PAN3: variants seen among roughly 807,000 people sequenced by gnomAD.
The protein encoded by PAN3 is poly(A) specific ribonuclease subunit PAN3.
A neutral mutation model predicts 96.2 loss-of-function variants in PAN3; 19 were observed. The observed-to-expected ratio is 0.20, with a 90% CI of 0.14 to 0.29. PAN3 has a LOEUF of 0.29. Ranked by LOEUF, PAN3 falls within the 10% of genes least tolerant of loss-of-function variation. The pLI, the probability that PAN3 is intolerant of heterozygous loss-of-function variation, is 1.00. For missense variants in PAN3, 882 were observed against 1,108.1 expected (o/e 0.80, Z 2.90); for synonymous variants, 433 against 406.6 (o/e 1.06, Z -0.78).
intron 1 of PAN3, among the ~76,000 whole-genome samples, chr13:28,155,664 AG>A (rs1333311228): frequency 6.6e-6 from 1 of 152,192 alleles, no homozygotes; most frequent in Non-Finnish European, 1.5e-5. Context: ...AGATTAATAA[AG>A]GAGTTTGACA....
At chr13:28,201,412 G>A (rs1878680875) in intron 5 of PAN3, among the ~76,000 whole-genome samples, 1 of 152,032 alleles carries the variant, frequency 6.6e-6, no homozygotes, top group Non-Finnish European at 1.5e-5. Flanking sequence ...CGGGCATGGT[G>A]GCGGGTGCCT....
intron 6 of PAN3, among the ~76,000 whole-genome samples, chr13:28,254,732 T>A (rs1006740491): frequency 2.0e-5 from 3 of 152,202 alleles, no homozygotes; most frequent in Non-Finnish European, 2.9e-5. Flanking sequence ...TGGGTTTTTT[T>A]AAAGTTTCTT....
intron 1 of PAN3, among the ~76,000 whole-genome samples, chr13:28,150,630 C>T (rs1262433154): frequency 7.2e-6 from 1 of 138,102 alleles, no homozygotes; most frequent in Non-Finnish European, 1.5e-5. Context: ...GAGCGAGACT[C>T]TGTCTCCAAA....
chr13:28,214,557 C>A, intron 5 of PAN3: 1 of 361,858 alleles, frequency 2.8e-6, no homozygotes, highest in Non-Finnish European at 5.2e-6. Context: ...TCATTGGACA[C>A]ATAGATTCAA....
intron 6 of PAN3, among the ~76,000 whole-genome samples, chr13:28,230,418 G>GA (rs1267715221): frequency 7.2e-4 from 103 of 143,718 alleles, no homozygotes; most frequent in South Asian, 3.7e-3. Context: ...TCCATGGATG[G>GA]AAAAAAAAAA....
intron 15 of PAN3, 71 bp downstream of exon 15, chr13:28,277,447 G>A (rs1887156678): frequency 6.7e-7 from 1 of 1,487,864 alleles, no homozygotes; most frequent in Admixed American, 2.4e-5. Flanking sequence ...TTTGTTTTAA[G>A]TGATTGTTTT....
intron 4 of PAN3, among the ~76,000 whole-genome samples, chr13:28,192,783 T>C (rs181820327): frequency 1.8e-4 from 28 of 152,320 alleles, no homozygotes; most frequent in South Asian, 1.4e-3. Context: ...TGAAAGTACA[T>C]TTTTTTCTTC....
intron 5 of PAN3, among the ~76,000 whole-genome samples, chr13:28,213,209 T>C (rs939090671): frequency 6.6e-5 from 10 of 152,184 alleles, no homozygotes; most frequent in African/African-American, 1.2e-4. Context: ...CATTTATATT[T>C]CATTAGGTAT....
chr13:28,251,956 C>T (rs574083379), intron 6 of PAN3, among the ~76,000 whole-genome samples: 54 of 150,866 alleles, frequency 3.6e-4, no homozygotes, highest in African/African-American at 1.3e-3. Context: ...GGTGTGATCT[C>T]GGCTCACGGC....
chr13:28,190,188 G>T (rs146099588), intron 4 of PAN3, among the ~76,000 whole-genome samples: 24 of 152,070 alleles, frequency 1.6e-4, no homozygotes, highest in Admixed American at 1.4e-3. Context: ...CAGGTGATCC[G>T]CCCGCGTCGG....
chr13:28,231,683 G>A (rs1260282217), intron 6 of PAN3, among the ~76,000 whole-genome samples: 1 of 152,096 alleles, frequency 6.6e-6, no homozygotes, highest in Non-Finnish European at 1.5e-5. Flanking sequence ...TCTATTAAAG[G>A]TGATTTACAT....
chr13:28,286,511 A>G (rs1868990066), intron 17 of PAN3, among the ~76,000 whole-genome samples: 1 of 152,100 alleles, frequency 6.6e-6, no homozygotes, highest in Admixed American at 6.5e-5. Flanking sequence ...TTGTGGCTTC[A>G]GTTTCTGAGC....
chr13:28,255,974 T>G (rs1308923264), intron 6 of PAN3, among the ~76,000 whole-genome samples: 2 of 152,122 alleles, frequency 1.3e-5, no homozygotes, highest in African/African-American at 4.8e-5. Flanking sequence ...TACTTCCCAC[T>G]CTTCCATTAA....
intron 6 of PAN3, among the ~76,000 whole-genome samples, chr13:28,243,868 T>C (rs1883916497): frequency 6.6e-6 from 1 of 152,130 alleles, no homozygotes; most frequent in African/African-American, 2.4e-5. Context: ...TTTGTATTTT[T>C]AGTAGAGCGG....
intron 5 of PAN3, among the ~76,000 whole-genome samples, chr13:28,200,640 A>G (rs1449347261): frequency 6.6e-6 from 1 of 152,260 alleles, no homozygotes; most frequent in Non-Finnish European, 1.5e-5. Flanking sequence ...CAAACATGGC[A>G]TTTATTAAAC....
At chr13:28,278,014 C>T (rs901766218) in intron 15 of PAN3, among the ~76,000 whole-genome samples, 9 of 152,244 alleles carry the variant, frequency 5.9e-5, no homozygotes, top group South Asian at 2.1e-4. Context: ...AGGACTTCTC[C>T]GTAAGATATA....
At chr13:28,224,788 CTTTTTAAATTTTTTTT>C (rs1315292732) in intron 6 of PAN3, among the ~76,000 whole-genome samples, 1 of 151,988 alleles carries the variant, frequency 6.6e-6, no homozygotes, top group Non-Finnish European at 1.5e-5. Context: ...TTAAAAAATT[CTTTTTAAATTTTTTTT>C]GTAGAGACGA....
At chr13:28,157,105 A>C (rs967706051) in intron 1 of PAN3, among the ~76,000 whole-genome samples, 9 of 152,078 alleles carry the variant, frequency 5.9e-5, no homozygotes, top group African/African-American at 2.2e-4. Flanking sequence ...TACCCGTCAC[A>C]TAAACAGAGC....
At chr13:28,238,304 A>G (rs1883284873) in intron 6 of PAN3, among the ~76,000 whole-genome samples, 1 of 152,258 alleles carries the variant, frequency 6.6e-6, no homozygotes, top group South Asian at 2.1e-4. Context: ...AGGTGGCATT[A>G]TACAATGGGT....
Sources: allele counts gnomAD v4.1 joint callset (sites outside exome capture counted in the v4.1 genomes callset), GRCh38; gene constraint gnomAD v4.1.1; transcripts MANE v1.5; gene names NCBI Gene and HGNC (gene_info 2026-07-23, HGNC 2026-07-21).